The following PRDM6 variants were observed in gnomAD, a reference collection of about 807,000 sequenced individuals.
PRDM6 encodes PR/SET domain 6.
Under a neutral mutation model 60.8 loss-of-function variants are expected in PRDM6, and 25 were observed. The ratio of observed to expected loss-of-function variants is 0.41; its 90% CI spans 0.30 to 0.57. The LOEUF is 0.57. PRDM6 is among the 20% of genes least tolerant of loss of function. PRDM6 has a pLI of 0.27. For missense variants in PRDM6, 839 were observed against 821.3 expected (o/e 1.02, Z -0.26); for synonymous variants, 407 against 357.4 (o/e 1.14, Z -1.57).
intron 3 of PRDM6, among the ~76,000 whole-genome samples, chr5:123,102,287 A>G (rs528349445): frequency 3.3e-5 from 5 of 152,334 alleles, no homozygotes; most frequent in Non-Finnish European, 5.9e-5. Flanking sequence ...GATTTTTATT[A>G]GCATAATGAT....
At chr5:123,130,116 C>CT (rs1328835856) in intron 3 of PRDM6, among the ~76,000 whole-genome samples, 6 of 28,098 alleles carry the variant, frequency 2.1e-4, no homozygotes, top group Admixed American at 2.9e-4. Context: ...CTCCCCTCCT[C>CT]TCCCCTTCCC....
intron 3 of PRDM6, among the ~76,000 whole-genome samples, chr5:123,109,965 G>A (rs1206549779): frequency 2.6e-5 from 4 of 152,142 alleles, no homozygotes; most frequent in South Asian, 4.1e-4. Context: ...AGTGTCCAGA[G>A]TATTGTGACC....
rs2150203043 is a variant in PRDM6 at position 123,090,193 on chromosome 5, A to G, written c.179A>G (p.Glu60Gly). 6.8e-7 allele frequency: 1 copy of G among 1,481,338 alleles called. No homozygotes were observed. The allele number at this position is 1,481,338 out of a possible 1,614,324, so 91.8% of individuals were successfully genotyped here. A position where few individuals can be genotyped will look rare whatever the true frequency, so the allele number is the denominator to read the frequency against. Residue 60 changes from glutamate to glycine, a missense_variant, in exon 2 of 8, where the codon GAG becomes GGG. This residue lies in a region of PRDM6 where 730 missense variants were observed against 648.8 expected (regional missense o/e 1.13). Transcript: ENST00000407847. ...CCGCCGCCGCCGCCCCCGCCCCCGGAGCGCGCTGAGCCTCCGCCGGACAGC... is the reference window on the plus strand; with the variant it reads ...CCGCCGCCGCCGCCCCCGCCCCCGGGGCGCGCTGAGCCTCCGCCGGACAGC... ...LQPPPPPPPP[E>G]RAEPPPDSLR...
intron 3 of PRDM6, among the ~76,000 whole-genome samples, chr5:123,138,900 C>T (rs1387072664): frequency 2.0e-5 from 3 of 152,182 alleles, no homozygotes; most frequent in African/African-American, 2.4e-5. Context: ...TCTGTGTCCT[C>T]GCCCAAATCT....
chr5:123,090,824 A>T (rs1454153195), intron 2 of PRDM6, among the ~76,000 whole-genome samples: 1 of 152,126 alleles, frequency 6.6e-6, no homozygotes, highest in Non-Finnish European at 1.5e-5. Context: ...GGCCGGTGGC[A>T]CTTTGGGGTT....
rs1240599246 is a variant in PRDM6 at position 123,155,973 on chromosome 5, G to A, written c.990G>A (p.Arg330=). 3.2e-6 allele frequency: 5 copies of A among 1,551,596 alleles called. No individual in the cohort carries two copies. Among genetic ancestry groups the A allele is most frequent in the Non-Finnish European group, 4.4e-6 (5 of 1,146,922 alleles). The part of the protein sequence containing the change: ...SSWMRYIRCA[R]HCGEQNLTVV... Reference sequence around the variant, plus strand: ...GGATGAGGTATATCCGATGTGCAAGGCACTGCGGAGAACAGAATCTAACAG... The same window carrying A: ...GGATGAGGTATATCCGATGTGCAAGACACTGCGGAGAACAGAATCTAACAG... The change falls in exon 4 of 8, where the codon AGG becomes AGA. Residue 330 remains arginine (R), a synonymous_variant. Transcript: ENST00000407847.
intron 2 of PRDM6, among the ~76,000 whole-genome samples, chr5:123,094,328 C>G (rs1202927152): frequency 1.3e-5 from 2 of 152,132 alleles, no homozygotes; most frequent in African/African-American, 4.8e-5. Flanking sequence ...CCACTGCGCC[C>G]CTTCTGCCCT....
rs3036135 is a variant in PRDM6, at chr5:123,147,279, AAG to A, written c.901-8577_901-8576del. On this transcript the variant is annotated intron_variant, in intron 3 of 7. Transcript: ENST00000407847. ...GAAATACATTAACACTGATACTAAAAAGAGAGAGAGAGAGAGAGAGAGAGAGA... is the reference window on the plus strand; with the variant it reads ...GAAATACATTAACACTGATACTAAAAAGAGAGAGAGAGAGAGAGAGAGAGA... Among the ~76,000 whole-genome samples, 1,162 of 147,494 alleles carry A rather than the reference AAG, an allele frequency of 7.9e-3. 12 individuals carry two copies. Among genetic ancestry groups the A allele is most frequent in the African/African-American group, 0.024 (938 of 39,768 alleles).
intron 3 of PRDM6, among the ~76,000 whole-genome samples, chr5:123,105,088 CTG>C (rs1490798818): frequency 6.6e-6 from 1 of 152,216 alleles, no homozygotes; most frequent in East Asian, 1.9e-4. Flanking sequence ...TTTATAAAGA[CTG>C]ATGAGTTCTG....
At chr5:123,111,907 A>G (rs952225134) in intron 3 of PRDM6, among the ~76,000 whole-genome samples, 5 of 152,052 alleles carry the variant, frequency 3.3e-5, no homozygotes, top group Admixed American at 1.3e-4. Context: ...CCCCTGCTAC[A>G]TCTTGGCTAA....
chr5:123,137,180 T>C (rs1056130064), intron 3 of PRDM6, among the ~76,000 whole-genome samples: 2 of 152,212 alleles, frequency 1.3e-5, no homozygotes, highest in African/African-American at 4.8e-5. Flanking sequence ...CTTGCACATA[T>C]GTGTGGACAG....
In PRDM6 at chr5:123,147,279, A is replaced by AAGAGAGAGAGAGAGAGAGAGAGAGAG. The variant is rs3036135; in HGVS notation, c.901-8601_901-8576dup. ...GAAATACATTAACACTGATACTAAAAAGAGAGAGAGAGAGAGAGAGAGAGA... is the reference window on the plus strand; with the variant it reads ...GAAATACATTAACACTGATACTAAAAAGAGAGAGAGAGAGAGAGAGAGAGAGAGAGAGAGAGAGAGAGAGAGAGAGA... On this transcript the variant is annotated intron_variant, in intron 3 of 7. Transcript: ENST00000407847. Among the ~76,000 whole-genome samples, 52 of 147,568 alleles carry AAGAGAGAGAGAGAGAGAGAGAGAGAG rather than the reference A, an allele frequency of 3.5e-4. 1 individual carries two copies. The highest frequency in any genetic ancestry group is 1.3e-3 in the African/African-American group (51 of 39,774).
chr5:123,089,601 G>A, intron 1 of PRDM6, 82 bp downstream of exon 1: 1 of 187,560 alleles, frequency 5.3e-6, no homozygotes, highest in Non-Finnish European at 1.1e-5. Flanking sequence ...GGGGCGGGCG[G>A]CGAGACTGTT....
At chr5:123,167,685 G>A (rs921636740) in intron 5 of PRDM6, among the ~76,000 whole-genome samples, 4 of 152,160 alleles carry the variant, frequency 2.6e-5, no homozygotes, top group Admixed American at 1.3e-4. Context: ...CACCACATCC[G>A]GCTCAGTTAG....
intron 3 of PRDM6, 116 bp from the exon 4 acceptor site, chr5:123,155,768 A>G: frequency 8.5e-7 from 1 of 1,174,626 alleles, no homozygotes; most frequent in Non-Finnish European, 1.2e-6. Context: ...AATAAGCACT[A>G]GCAAACCTAA....
At chr5:123,140,008 C>G (rs1298794219) in intron 3 of PRDM6, among the ~76,000 whole-genome samples, 1 of 152,090 alleles carries the variant, frequency 6.6e-6, no homozygotes, top group Non-Finnish European at 1.5e-5. Flanking sequence ...AAATCTTGCA[C>G]TTGATTTTTC....
chr5:123,111,128 C>T (rs959660199), intron 3 of PRDM6, among the ~76,000 whole-genome samples: 10 of 152,022 alleles, frequency 6.6e-5, no homozygotes, highest in East Asian at 3.8e-4. Context: ...GGTTGCATAA[C>T]GATGTGAATA....
intron 2 of PRDM6, among the ~76,000 whole-genome samples, chr5:123,093,761 T>C (rs1763895711): frequency 6.6e-6 from 1 of 152,216 alleles, no homozygotes; most frequent in South Asian, 2.1e-4. Context: ...GTGCGTTGCC[T>C]GCTCTTGAAA....
chr5:123,140,714 A>T (rs957408166), intron 3 of PRDM6, among the ~76,000 whole-genome samples: 28 of 152,174 alleles, frequency 1.8e-4, no homozygotes, highest in Non-Finnish European at 7.4e-5. Context: ...GTTACAAAGT[A>T]AATGTCTGAA....
Sources: allele counts gnomAD v4.1 joint callset (sites outside exome capture counted in the v4.1 genomes callset), GRCh38; gene constraint gnomAD v4.1.1; regional missense constraint gnomAD v4.1.1; transcripts MANE v1.5; gene names NCBI Gene and HGNC (gene_info 2026-07-23, HGNC 2026-07-21).